The following HDAC8 variants were observed in gnomAD, a reference collection of about 807,000 sequenced individuals.
HDAC8 encodes the protein histone deacetylase-like 1.
A neutral mutation model predicts 32.2 loss-of-function variants in HDAC8; 1 was observed. The ratio of observed to expected loss-of-function variants is 0.03; its 90% CI spans 0.01 to 0.15. HDAC8 has a LOEUF of 0.15. Among genes scored for constraint, HDAC8 ranks in the 10% least tolerant of loss-of-function variants. HDAC8 has a pLI of 1.00. For synonymous variants in HDAC8, 108 were observed against 113.9 expected (o/e 0.95, Z 0.33); for missense variants, 117 against 300.0 (o/e 0.39, Z 4.51).
chrX:72,349,773 C>T (rs1221596270), intron 10 of HDAC8, among the ~76,000 whole-genome samples: 1 of 111,788 alleles, frequency 8.9e-6, no homozygotes, highest in African/African-American at 3.3e-5. Context: ...TAGCAAGATG[C>T]CACCACTCTC....
intron 10 of HDAC8, among the ~76,000 whole-genome samples, chrX:72,346,277 C>T (rs2044025775): frequency 8.9e-6 from 1 of 111,903 alleles, no homozygotes; most frequent in Non-Finnish European, 1.9e-5. Flanking sequence ...CTCCAAAACC[C>T]TACTCTGAAG....
chrX:72,407,187 G>C (rs781833883), intron 9 of HDAC8, among the ~76,000 whole-genome samples: 15 of 112,591 alleles, frequency 1.3e-4, no homozygotes, highest in Non-Finnish European at 2.8e-4. Context: ...GATTACTTGG[G>C]CGAGCTCAAT....
chrX:72,442,742 A>T, intron 9 of HDAC8, among the ~76,000 whole-genome samples: 1 of 112,241 alleles, frequency 8.9e-6, no homozygotes, highest in Non-Finnish European at 1.9e-5. Flanking sequence ...CAGACTGGCA[A>T]ATTGGATAAA....
chrX:72,459,656 C>G (rs2047815440), intron 9 of HDAC8, among the ~76,000 whole-genome samples: 1 of 111,465 alleles, frequency 9.0e-6, no homozygotes, highest in African/African-American at 3.3e-5. Flanking sequence ...TCTTTTTCTG[C>G]TCTGTATTAT....
chrX:72,341,778 A>AT (rs1213786559), intron 10 of HDAC8, among the ~76,000 whole-genome samples: 1 of 111,867 alleles, frequency 8.9e-6, no homozygotes. Flanking sequence ...ATTGATTTGT[A>AT]TTTATTAGCT....
chrX:72,572,453 C>T (rs1178545300), intron 1 of HDAC8, 198 bp downstream of exon 1: 16 of 420,245 alleles, frequency 3.8e-5, no homozygotes, highest in Non-Finnish European at 5.7e-5. Flanking sequence ...ATTGGACGTC[C>T]CGAAGAGACA....
intron 9 of HDAC8, among the ~76,000 whole-genome samples, chrX:72,353,943 G>C (rs917083144): frequency 8.9e-6 from 1 of 112,058 alleles, no homozygotes; most frequent in African/African-American, 3.2e-5. Flanking sequence ...TGAGCTGCTT[G>C]ATTAGGGCTG....
At chrX:72,462,271 GGTGGACCA>G (rs1807290650) in intron 8 of HDAC8, 173 bp from the exon 9 acceptor site, 1 of 424,220 alleles carries the variant, frequency 2.4e-6, no homozygotes, top group Non-Finnish European at 4.1e-6. Flanking sequence ...GGCAGACTTT[GGTGGACCA>G]GTCAAATCAT....
At chrX:72,352,203 C>T (rs782356537) in intron 9 of HDAC8, among the ~76,000 whole-genome samples, 1 of 111,353 alleles carries the variant, frequency 9.0e-6, no homozygotes, top group South Asian at 3.9e-4. Flanking sequence ...TTTGCCATTG[C>T]TCTTTCCTGG....
intron 5 of HDAC8, among the ~76,000 whole-genome samples, chrX:72,493,384 A>G (rs2048927140): frequency 9.0e-6 from 1 of 111,641 alleles, no homozygotes; most frequent in Non-Finnish European, 1.9e-5. Flanking sequence ...CCTGTAGAAC[A>G]GCTGAGGTAT....
Position 72,572,061 on chromosome X carries a change from T to C in HDAC8, c.160A>G (p.Met54Val). The change falls in exon 2 of 11, where the codon ATG becomes GTG. Residue 54 changes from methionine to valine, a missense_variant. Around this residue, in one of 4 missense-constraint regions of HDAC8, gnomAD observed 37 missense variants for 53.1 expected, o/e 0.70. Coordinates refer to ENST00000373573, the MANE Select transcript of HDAC8 (RefSeq NM_018486.3). ...LIEAYALHKQ[M>V]RIVKPKVASM... ...TGTTCAAGAAAGACAACTTACCTCA[T>C]CTGCTTATGCAGTGCATATGCTTCA... The C allele has an allele frequency of 8.4e-7, 1 of 1,190,466 alleles. No individual in the cohort carries two copies. Among genetic ancestry groups the C allele is most frequent in the Admixed American group, 2.3e-5 (1 of 42,920 alleles).
chrX:72,431,049 G>A (rs1188096913), intron 9 of HDAC8, among the ~76,000 whole-genome samples: 1 of 111,236 alleles, frequency 9.0e-6, no homozygotes, highest in African/African-American at 3.3e-5. Flanking sequence ...TTCTGACCTC[G>A]TGTAGACACC....
intron 7 of HDAC8, among the ~76,000 whole-genome samples, chrX:72,487,259 T>C (rs1204277927): frequency 2.7e-5 from 3 of 112,212 alleles, no homozygotes; most frequent in Admixed American, 9.4e-5. Flanking sequence ...ACCAAGGCTA[T>C]TTTTAAACAT....
Position 72,526,421 on chromosome X carries a change from T to C in HDAC8, c.438-31153A>G, listed in dbSNP as rs2050153838. On this transcript the variant is annotated intron_variant, in intron 4 of 10. Coordinates refer to ENST00000373573, the MANE Select transcript of HDAC8 (RefSeq NM_018486.3). ...CTTAATAATATACTGTGCACACCTC[T>C]CTCGCCGCATTTCTACACTGCCTTA... 2.7e-5 allele frequency among the ~76,000 whole-genome samples: 3 copies of C among 110,719 alleles called. No homozygotes were observed. In the South Asian group the frequency reaches 1.2e-3, roughly 45 times the overall value.
intron 4 of HDAC8, among the ~76,000 whole-genome samples, chrX:72,507,289 A>G (rs1051433014): frequency 1.2e-4 from 13 of 112,073 alleles, no homozygotes; most frequent in African/African-American, 4.2e-4. Flanking sequence ...AGTCCTTGAG[A>G]GACTATTTCT....
chrX:72,409,287 C>T (rs73218356), intron 9 of HDAC8, among the ~76,000 whole-genome samples: 1,249 of 111,670 alleles, frequency 0.011, 5 homozygotes, highest in Middle Eastern at 0.023. Context: ...TCTGCCTTCA[C>T]GTTGGTTCAA....
At chrX:72,501,708 C>T (rs965540581) in intron 4 of HDAC8, among the ~76,000 whole-genome samples, 4 of 111,892 alleles carry the variant, frequency 3.6e-5, no homozygotes, top group Non-Finnish European at 5.6e-5. Context: ...AACATAGGAA[C>T]GGGCAAAGAT....
At chrX:72,383,702 C>G (rs1338465656) in intron 9 of HDAC8, among the ~76,000 whole-genome samples, 2 of 109,414 alleles carry the variant, frequency 1.8e-5, no homozygotes, top group Non-Finnish European at 3.8e-5. Flanking sequence ...AACCCCGTCT[C>G]TACTAAAAAC....
intron 10 of HDAC8, among the ~76,000 whole-genome samples, chrX:72,339,724 C>T (rs782314726): frequency 8.9e-6 from 1 of 111,788 alleles, no homozygotes; most frequent in Non-Finnish European, 1.9e-5. Flanking sequence ...AGGGCTAGAG[C>T]AAGATTTCCA....
Sources: allele counts gnomAD v4.1 joint callset (sites outside exome capture counted in the v4.1 genomes callset), GRCh38; gene constraint gnomAD v4.1.1; regional missense constraint gnomAD v4.1.1; transcripts MANE v1.5; gene names NCBI Gene and HGNC (gene_info 2026-07-23, HGNC 2026-07-21).